The following MPP2 variants were observed in gnomAD, a reference collection of about 807,000 sequenced individuals.
MPP2 encodes the protein MAGUK p55 scaffold protein 2, also known as MAGUK p55 subfamily member 2.
MPP2 carries 42 observed loss-of-function variants against 58.5 expected under a neutral mutation model. The observed-to-expected ratio is 0.72, with a 90% CI of 0.56 to 0.93. The LOEUF (loss-of-function observed/expected upper bound fraction) is 0.93. Among genes scored for constraint, MPP2 ranks in the 40% least tolerant of loss-of-function variants. The pLI, the probability that MPP2 is intolerant of heterozygous loss-of-function variation, is 0.00. For synonymous variants in MPP2, 300 were observed against 307.8 expected, an observed-to-expected ratio of 0.97 and a Z score of 0.26; for missense variants, 632 against 760.4, an observed-to-expected ratio of 0.83 and a Z score of 1.99.
intron 2 of MPP2, among the ~76,000 whole-genome samples, chr17:43,900,779 TGGGA>T (rs1370269450): frequency 6.6e-6 from 1 of 152,056 alleles, no homozygotes; most frequent in African/African-American, 2.4e-5. Flanking sequence ...AGAAGAGTGG[TGGGA>T]GGGAGCCCTA....
At chr17:43,894,710 G>A (rs2047770048) in intron 3 of MPP2, among the ~76,000 whole-genome samples, 1 of 151,160 alleles carries the variant, frequency 6.6e-6, no homozygotes, top group Admixed American at 6.6e-5. Flanking sequence ...AGGCTGAGAG[G>A]ATTACTTGAG....
In MPP2 at chr17:43,882,132, G is replaced by A. The variant is rs965044002; in HGVS notation, c.681+152C>T. The A allele has an allele frequency of 1.2e-4, 87 of 700,958 alleles. No homozygotes were observed. In the African/African-American group the frequency reaches 1.4e-3, roughly 12 times the overall value. 43.4% of individuals were successfully genotyped at this position (700,958 alleles called of 1,614,324 possible). A position where few individuals can be genotyped will look rare whatever the true frequency, so the allele number is the denominator to read the frequency against. ...GTGCAGCAGCGGCAGAGGCCTGTCG[G>A]CGGCTGCGGTCAGCTGCCCCTGGGC... On this transcript the variant is annotated intron_variant, in intron 6 of 12. Coordinates refer to ENST00000269095, the MANE Select transcript of MPP2 (RefSeq NM_005374.5).
chr17:43,904,576 G>C (rs2048218889), intron 1 of MPP2, 83 bp from the exon 2 acceptor site: 8 of 1,237,012 alleles, frequency 6.5e-6, no homozygotes, highest in Non-Finnish European at 9.3e-6. Flanking sequence ...CCTTCAGGAC[G>C]AGCCAGAAAG....
intron 3 of MPP2, among the ~76,000 whole-genome samples, chr17:43,886,932 C>G (rs1039204445): frequency 6.6e-6 from 1 of 151,992 alleles, no homozygotes; most frequent in Admixed American, 6.6e-5. Flanking sequence ...ATTCTTTTCC[C>G]TATTTTAAAA....
intron 3 of MPP2, chr17:43,883,997 A>G (rs2143590747): frequency 1.5e-6 from 1 of 664,370 alleles, no homozygotes; most frequent in Non-Finnish European, 2.7e-6. Context: ...CAGGAAGAAA[A>G]GAATTCCATT....
intron 2 of MPP2, among the ~76,000 whole-genome samples, chr17:43,902,673 G>A (rs1055827625): frequency 6.6e-6 from 1 of 152,168 alleles, no homozygotes; most frequent in African/African-American, 2.4e-5. Context: ...AGGCACAGAG[G>A]AATCATTCTA....
At chr17:43,898,231 C>T in intron 3 of MPP2, 31 bp downstream of exon 3, 5 of 1,547,952 alleles carry the variant, frequency 3.2e-6, no homozygotes, top group Non-Finnish European at 4.5e-6. Flanking sequence ...AAGCACAGTG[C>T]CCTTGTGCCC....
intron 1 of MPP2, among the ~76,000 whole-genome samples, chr17:43,906,710 A>G (rs561067658): frequency 2.8e-4 from 42 of 152,206 alleles, no homozygotes; most frequent in Admixed American, 2.5e-3. Context: ...CAACGGACCC[A>G]GCCCTAACAC....
Position 43,879,460 on chromosome 17 carries a change from G to A in MPP2, c.1354-57C>T. 6.2e-7 allele frequency: 1 copy of A among 1,600,984 alleles called. No individual in the cohort carries two copies. The highest frequency in any genetic ancestry group is 8.5e-7 in the Non-Finnish European group (1 of 1,170,752). ...ATCCCCATGTCTGTCCTAGGAACCA[G>A]AGAAAGGCTGTGAGGGTAACTGGGG... On this transcript the variant is annotated intron_variant, in intron 11 of 12. Transcript: ENST00000269095. This position sits in a 1 kb window ranked among gnomAD's most constrained non-coding sequence, Gnocchi z 4.1.
chr17:43,895,983 C>T (rs1036560023), intron 3 of MPP2, among the ~76,000 whole-genome samples: 15 of 152,208 alleles, frequency 9.9e-5, no homozygotes, highest in African/African-American at 3.6e-4. Flanking sequence ...AACCATTCCA[C>T]AGATAATGTG....
intron 3 of MPP2, among the ~76,000 whole-genome samples, chr17:43,888,975 G>A (rs1044879978): frequency 1.3e-5 from 2 of 151,464 alleles, no homozygotes; most frequent in African/African-American, 4.9e-5. Context: ...AGTCCAAATT[G>A]GAGTGCAGTG....
chr17:43,893,572 C>T (rs2047695178), intron 3 of MPP2, among the ~76,000 whole-genome samples: 1 of 152,220 alleles, frequency 6.6e-6, no homozygotes, highest in South Asian at 2.1e-4. Context: ...AGGTGAACAG[C>T]AGGAGGTGAG....
At chr17:43,890,137 G>A (rs1033104563) in intron 3 of MPP2, among the ~76,000 whole-genome samples, 4 of 152,094 alleles carry the variant, frequency 2.6e-5, no homozygotes, top group Admixed American at 2.0e-4. Flanking sequence ...TAAAAAAAGG[G>A]GGGAATCATG....
rs1057207370 is a variant in MPP2 at position 43,876,775 on chromosome 17, G to A, written c.*1032C>T. ...CAGTGTAAATGGCGCCTCTGGAGTT[G>A]TGTGTGAGGAACCTCCTGGAGGGCA... is the stretch of plus-strand genomic sequence containing the variant. On this transcript the variant is annotated 3_prime_UTR_variant, in exon 13 of 13. Coordinates refer to ENST00000269095, the MANE Select transcript of MPP2 (RefSeq NM_005374.5). The A allele has an allele frequency of 1.3e-5, 2 of 152,354 alleles. No individual in the cohort carries two copies. The highest frequency in any genetic ancestry group is 2.9e-5 in the Non-Finnish European group (2 of 68,116). 9.4% of individuals were successfully genotyped at this position (152,354 alleles called of 1,614,324 possible).
At chr17:43,883,109 T>C (rs1597766727) in intron 4 of MPP2, 57 bp from the exon 5 acceptor site, 1 of 1,564,962 alleles carries the variant, frequency 6.4e-7, no homozygotes. Flanking sequence ...TCTCTTCCCA[T>C]CCCAGATCCA....
intron 5 of MPP2, 43 bp downstream of exon 5, chr17:43,882,860 C>G: frequency 6.2e-7 from 1 of 1,611,390 alleles, no homozygotes; most frequent in Non-Finnish European, 8.5e-7. Context: ...TCTCAATCCC[C>G]CCACCCTCAC....
Position 43,879,292 on chromosome 17 carries a change from A to C in MPP2, c.1465T>G (p.Ser489Ala). The change falls in exon 12 of 13, where the codon TCC becomes GCC. Residue 489 changes from serine to alanine, a missense_variant. By Grantham distance (99) the Ser-to-Ala change is moderately conservative (BLOSUM62 1). Coordinates refer to ENST00000269095, the MANE Select transcript of MPP2 (RefSeq NM_005374.5). The surrounding 1 kb of genome is among the most constrained non-coding windows in gnomAD (Gnocchi z 4.1). ...MNRAALESGI[S>A]TKQLTEADLR... ...GCCCTCACCGTGAGCTGCTTGGTGGATATTCCACTCTCCAGCGCAGCCCTG... is the reference window on the plus strand; with the variant it reads ...GCCCTCACCGTGAGCTGCTTGGTGGCTATTCCACTCTCCAGCGCAGCCCTG... 1 of 1,613,288 alleles carries C rather than the reference A, an allele frequency of 6.2e-7. No individual in the cohort carries two copies. The highest frequency in any genetic ancestry group is 8.5e-7 in the Non-Finnish European group (1 of 1,179,386).
At chr17:43,894,335 T>C (rs2047731700) in intron 3 of MPP2, among the ~76,000 whole-genome samples, 1 of 150,310 alleles carries the variant, frequency 6.7e-6, no homozygotes, top group African/African-American at 2.4e-5. Context: ...GAGAATCGCT[T>C]GAACCCAGGA....
chr17:43,900,667 G>A (rs1001490113), intron 2 of MPP2: 68 of 1,417,386 alleles, frequency 4.8e-5, no homozygotes, highest in Non-Finnish European at 5.8e-5. Context: ...GCCCTCTGAG[G>A]AACCAGCCAA....
Sources: allele counts gnomAD v4.1 joint callset (sites outside exome capture counted in the v4.1 genomes callset), GRCh38; gene constraint gnomAD v4.1.1; non-coding constraint Gnocchi (gnomAD v3.1); transcripts MANE v1.5; gene names NCBI Gene and HGNC (gene_info 2026-07-23, HGNC 2026-07-21).